TBC1D32: variants seen among roughly 807,000 people sequenced by gnomAD.
The protein encoded by TBC1D32 is protein broad-minded.
Under a neutral mutation model 170.3 loss-of-function variants are expected in TBC1D32, and 151 were observed. The ratio of observed to expected loss-of-function variants is 0.89; its 90% CI spans 0.78 to 1.01. The LOEUF (loss-of-function observed/expected upper bound fraction) is 1.01. Ranked by LOEUF, TBC1D32 falls within the 50% of genes least tolerant of loss-of-function variation. TBC1D32 has a pLI of 0.00. For synonymous variants in TBC1D32, 498 were observed against 488.0 expected (o/e 1.02, Z -0.27); for missense variants, 1,464 against 1,457.1 (o/e 1.00, Z -0.08).
chr6:121,134,754 ATAAAT>A (rs1455168651), intron 24 of TBC1D32, among the ~76,000 whole-genome samples: 1 of 152,102 alleles, frequency 6.6e-6, no homozygotes, highest in East Asian at 1.9e-4. Flanking sequence ...GAGGGGAACA[ATAAAT>A]AATTCATTTA....
chr6:121,290,113 C>A (rs1369647922), intron 12 of TBC1D32, among the ~76,000 whole-genome samples: 2 of 152,044 alleles, frequency 1.3e-5, no homozygotes, highest in Non-Finnish European at 2.9e-5. Flanking sequence ...TCTAAAACAC[C>A]AAAAGCAATG....
chr6:121,211,711 G>A (rs780205705), intron 21 of TBC1D32, among the ~76,000 whole-genome samples: 2 of 152,070 alleles, frequency 1.3e-5, no homozygotes, highest in Admixed American at 6.5e-5. Flanking sequence ...TTATCCACTC[G>A]GTGATTACCC....
At position 121,283,843 on chromosome 6, in the gene TBC1D32, T is replaced by C. The variant is rs369576040; in HGVS notation, c.1440A>G (p.Pro480=). 2 of 1,610,538 alleles carry C rather than the reference T, an allele frequency of 1.2e-6. No individual in the cohort carries two copies. Among genetic ancestry groups the C allele is most frequent in the Non-Finnish European group, 1.7e-6 (2 of 1,177,916 alleles). The part of the protein sequence containing the change: ...TQLIYYSPSC[P]KMTSAAHSEN... ...CTGAATGGGCAGCTGATGTCATCTT[T>C]GGACAACTTGGTGAGTAATAGATAA... The change falls in exon 13 of 32, where the codon CCA becomes CCG. Residue 480 remains proline, a synonymous_variant. Coordinates refer to ENST00000398212, the MANE Select transcript of TBC1D32 (RefSeq NM_152730.6).
intron 21 of TBC1D32, among the ~76,000 whole-genome samples, chr6:121,215,759 T>C (rs1793743885): frequency 6.6e-6 from 1 of 151,936 alleles, no homozygotes; most frequent in East Asian, 1.9e-4. Flanking sequence ...AAGCACAATA[T>C]TACTGATCAT....
At chr6:121,253,997 C>T (rs997484225) in intron 17 of TBC1D32, among the ~76,000 whole-genome samples, 1 of 151,924 alleles carries the variant, frequency 6.6e-6, no homozygotes, top group Non-Finnish European at 1.5e-5. Flanking sequence ...AAGTGCCCAT[C>T]AACCAACAAG....
In TBC1D32 at chr6:121,161,035, T is replaced by C. The variant is rs554522121; in HGVS notation, c.2592A>G (p.Leu864=). 206 of 1,612,888 alleles carry C rather than the reference T, an allele frequency of 1.3e-4. 5 individuals carry two copies. The South Asian group carries it at 2.1e-3, about 17-fold the overall frequency. ...FGLRDFIIDG[L]SVERNHVLVR... ...CAAGAACATGATTTCTCTCCACTGA[T>C]AAGCCATCAATTATAAAGTCCCTGA... The change falls in exon 23 of 32, where the codon TTA becomes TTG. Residue 864 remains leucine (L), a synonymous_variant. Transcript: ENST00000398212.
chr6:121,285,250 A>G (rs1803618342), intron 12 of TBC1D32, among the ~76,000 whole-genome samples: 1 of 152,198 alleles, frequency 6.6e-6, no homozygotes, highest in South Asian at 2.1e-4. Flanking sequence ...ATGATTTATT[A>G]TAACAAAAGG....
At chr6:121,169,709 C>T (rs1055960764) in intron 22 of TBC1D32, among the ~76,000 whole-genome samples, 8 of 151,998 alleles carry the variant, frequency 5.3e-5, no homozygotes, top group African/African-American at 7.2e-5. Context: ...TTTCCTTCTA[C>T]AAAAAACCTA....
chr6:121,147,096 T>C (rs1486785987), intron 24 of TBC1D32, among the ~76,000 whole-genome samples: 1 of 152,244 alleles, frequency 6.6e-6, no homozygotes. Flanking sequence ...CTTGCATTAA[T>C]GCACTTAGAA....
At chr6:121,278,998 TG>T in intron 15 of TBC1D32, 122 bp downstream of exon 15, 1 of 1,057,568 alleles carries the variant, frequency 9.5e-7, no homozygotes, top group Non-Finnish European at 1.3e-6. Flanking sequence ...AGTTCTACTC[TG>T]GCTGCATAGT....
intron 17 of TBC1D32, among the ~76,000 whole-genome samples, chr6:121,244,887 C>T (rs921154951): frequency 6.6e-6 from 1 of 152,124 alleles, no homozygotes; most frequent in African/African-American, 2.4e-5. Flanking sequence ...TATGGCCTTG[C>T]CCATCACCTA....
chr6:121,110,601 T>C (rs1779108660), intron 29 of TBC1D32, among the ~76,000 whole-genome samples: 1 of 152,152 alleles, frequency 6.6e-6, no homozygotes, highest in Admixed American at 6.5e-5. Context: ...TCTGTCACCA[T>C]GCTGCAGATT....
chr6:121,301,410 C>T (rs1012284681), intron 9 of TBC1D32, among the ~76,000 whole-genome samples: 6 of 152,108 alleles, frequency 3.9e-5, no homozygotes, highest in African/African-American at 1.4e-4. Flanking sequence ...TGCTGGAAAC[C>T]ATCATTCTCA....
rs557518000 is a variant in TBC1D32, at chr6:121,276,928, C to A, written c.1733+2193G>T. Among the ~76,000 whole-genome samples, 6 of 152,214 alleles carry A rather than the reference C, an allele frequency of 3.9e-5. No homozygotes were observed. The South Asian group carries it at 1.2e-3, about 32-fold the overall frequency. On this transcript the variant is annotated intron_variant, in intron 15 of 31. Transcript: ENST00000398212. ...CTTAAATGAAAAACTGATAGAACTG[C>A]AGGGAGAAATAGATGAATTCACTAA...
chr6:121,213,611 A>G (rs895228678), intron 21 of TBC1D32, among the ~76,000 whole-genome samples: 2 of 151,930 alleles, frequency 1.3e-5, no homozygotes, highest in Admixed American at 6.6e-5. Context: ...GAACTCTACA[A>G]TGAGAATTAC....
chr6:121,205,654 C>T (rs1006120435), intron 21 of TBC1D32, among the ~76,000 whole-genome samples: 2 of 152,148 alleles, frequency 1.3e-5, no homozygotes, highest in Admixed American at 1.3e-4. Flanking sequence ...TGGTTTCCAA[C>T]CCTGGTTGAA....
Position 121,310,846 on chromosome 6 carries a change from C to T in TBC1D32, c.497G>A (p.Ser166Asn). Reference protein sequence around the residue: ...CSDSDSSLNQSYKFCQGKLQL... With the variant: ...CSDSDSSLNQNYKFCQGKLQL... ...TAATTTTCCTTGACAAAATTTGTAA[C>T]TCTGTAACACAATTGTCAGGACATT... is the stretch of plus-strand genomic sequence containing the variant. Residue 166 changes from serine (S) to asparagine (N), a missense_variant and splice_region_variant, in exon 4 of 32, where the codon AGT (serine) becomes AAT (asparagine). This residue lies in a region of TBC1D32 where 1,363 missense variants were observed against 1,338.1 expected (regional missense o/e 1.02). Coordinates refer to ENST00000398212, the MANE Select transcript of TBC1D32 (RefSeq NM_152730.6). 1.3e-6 allele frequency: 2 copies of T among 1,554,986 alleles called. No homozygotes were observed. The highest frequency in any genetic ancestry group is 1.8e-6 in the Non-Finnish European group (2 of 1,130,776).
rs118097909 is a variant in TBC1D32 at position 121,211,199 on chromosome 6, A to C, written c.2482-6036T>G. On this transcript the variant is annotated intron_variant, in intron 21 of 31. Transcript: ENST00000398212. ...GAAAGGATAAGAAAGAGCTCTGTAT[A>C]CTGCTATAGAGTCATCTCCAAGATA... is the stretch of plus-strand genomic sequence containing the variant. 7.5e-3 allele frequency among the ~76,000 whole-genome samples: 1,137 copies of C among 152,306 alleles called. 9 individuals are homozygous for C. Among genetic ancestry groups the C allele is most frequent in the Non-Finnish European group, 0.011 (756 of 68,028 alleles).
intron 18 of TBC1D32, 81 bp from the exon 19 acceptor site, chr6:121,241,633 A>C: frequency 1.8e-6 from 2 of 1,127,066 alleles, no homozygotes; most frequent in Non-Finnish European, 2.6e-6. Flanking sequence ...GATGGTAAGA[A>C]CTGCAAAAAC....
Sources: gnomAD v4.1 joint callset for allele counts (sites outside exome capture counted in the v4.1 genomes callset) on GRCh38, gnomAD v4.1.1 for gene constraint, gnomAD v4.1.1 regional missense constraint, MANE v1.5 for transcripts, NCBI Gene and HGNC (gene_info 2026-07-23, HGNC 2026-07-21) for gene names.